Variants in RGS5 observed in about 807,000 individuals in gnomAD.
The protein encoded by RGS5 is regulator of G protein signaling 5, also known as regulator of G-protein signalling 5.
In RGS5, 20 loss-of-function variants were observed where a neutral mutation model predicts 18.9. The ratio of observed to expected loss-of-function variants is 1.06; its 90% CI spans 0.74 to 1.54. RGS5 has a LOEUF of 1.54. Among genes scored for constraint, RGS5 ranks in the 40% most tolerant of loss-of-function variants. The pLI, the probability that RGS5 is intolerant of heterozygous loss-of-function variation, is 0.00. For synonymous variants in RGS5, 57 were observed against 76.2 expected, an observed-to-expected ratio of 0.75 and a Z score of 1.31; for missense variants, 201 against 211.8, an observed-to-expected ratio of 0.95 and a Z score of 0.32.
chr1:163,321,580 A>G (rs1479393427), intron 1 of RGS5: 1 of 152,164 alleles, frequency 6.6e-6, no homozygotes, highest in Non-Finnish European at 1.5e-5. Context: ...CACATAATCA[A>G]TGTTCAACAA....
intron 2 of RGS5, among the ~76,000 whole-genome samples, chr1:163,166,507 G>C (rs1260891786): frequency 6.6e-6 from 1 of 152,166 alleles, no homozygotes; most frequent in South Asian, 2.1e-4. Flanking sequence ...AGCTTATGCA[G>C]AACACAGTAT....
chr1:163,234,382 A>G (rs1331993954), intron 2 of RGS5, among the ~76,000 whole-genome samples: 1 of 152,106 alleles, frequency 6.6e-6, no homozygotes. Context: ...AATATTTTCC[A>G]TTTTATATAT....
At chr1:163,186,886 T>C (rs1023528539) in intron 1 of RGS5, among the ~76,000 whole-genome samples, 3 of 152,204 alleles carry the variant, frequency 2.0e-5, no homozygotes, top group African/African-American at 7.2e-5. Flanking sequence ...ACCCCGTATG[T>C]GGAGCAGAAT....
chr1:163,183,956 C>G (rs552445571), intron 1 of RGS5, among the ~76,000 whole-genome samples: 153 of 152,274 alleles, frequency 1.0e-3, no homozygotes, highest in African/African-American at 3.6e-3. Context: ...GAGGTACATG[C>G]AAATCACATT....
At chr1:163,315,112 CA>C (rs144992878) in intron 1 of RGS5, among the ~76,000 whole-genome samples, 14,711 of 152,078 alleles carry the variant, frequency 0.097, 981 homozygotes, top group South Asian at 0.2. Flanking sequence ...ATCATGTAAC[CA>C]AAAAGGACCT....
intron 2 of RGS5, among the ~76,000 whole-genome samples, chr1:163,280,421 T>C (rs1246697847): frequency 6.6e-6 from 1 of 152,058 alleles, no homozygotes; most frequent in Non-Finnish European, 1.5e-5. Context: ...TATAATCATC[T>C]CAATAGATAT....
chr1:163,151,673 G>A (rs1657378952), intron 4 of RGS5, among the ~76,000 whole-genome samples: 1 of 152,192 alleles, frequency 6.6e-6, no homozygotes, highest in South Asian at 2.1e-4. Context: ...GCCACCCTGT[G>A]AAGAGGTGCC....
At chr1:163,156,230 C>G (rs747470908) in intron 3 of RGS5, among the ~76,000 whole-genome samples, 67 of 152,270 alleles carry the variant, frequency 4.4e-4, no homozygotes, top group Non-Finnish European at 8.2e-4. Context: ...ACTGTTGCAT[C>G]ATCTGTTCAA....
At chr1:163,237,231 T>A (rs1647650131) in intron 2 of RGS5, 1 of 153,204 alleles carries the variant, frequency 6.5e-6, no homozygotes, top group Non-Finnish European at 1.5e-5. Flanking sequence ...GACCCATGTA[T>A]CCTGGGCACA....
chr1:163,215,683 T>A (rs1022161088), intron 1 of RGS5, among the ~76,000 whole-genome samples: 1 of 152,184 alleles, frequency 6.6e-6, no homozygotes, highest in Non-Finnish European at 1.5e-5. Context: ...ATTAATCTTA[T>A]AAATAAATTG....
intron 1 of RGS5, among the ~76,000 whole-genome samples, chr1:163,184,400 CAA>C (rs34214775): frequency 0.12 from 12,235 of 104,906 alleles, 611 homozygotes; most frequent in Middle Eastern, 0.23. Flanking sequence ...CCCATCCCTC[CAA>C]AAAAAAAAAA....
intron 3 of RGS5, among the ~76,000 whole-genome samples, chr1:163,159,909 A>C (rs538766540): frequency 6.6e-6 from 1 of 152,314 alleles, no homozygotes; most frequent in Non-Finnish European, 1.5e-5. Flanking sequence ...ACACACATAC[A>C]TACATGAACA....
chr1:163,265,892 C>A (rs1425908889), intron 2 of RGS5, among the ~76,000 whole-genome samples: 1 of 152,158 alleles, frequency 6.6e-6, no homozygotes, highest in Non-Finnish European at 1.5e-5. Context: ...GGTTCTCCAT[C>A]CCTGGCACTC....
At chr1:163,249,320 A>G (rs1648036202) in intron 2 of RGS5, among the ~76,000 whole-genome samples, 2 of 152,356 alleles carry the variant, frequency 1.3e-5, no homozygotes, top group South Asian at 2.1e-4. Context: ...CACCTGCACT[A>G]TACCAATAGT....
chr1:163,279,744 A>T (rs964805835), intron 2 of RGS5, among the ~76,000 whole-genome samples: 3 of 152,114 alleles, frequency 2.0e-5, no homozygotes, highest in African/African-American at 7.2e-5. Flanking sequence ...TTTTGATAAG[A>T]TAAAGAAAAT....
intron 1 of RGS5, among the ~76,000 whole-genome samples, chr1:163,170,154 A>C (rs868265887): frequency 6.6e-6 from 1 of 152,198 alleles, no homozygotes; most frequent in South Asian, 2.1e-4. Context: ...ACCCTTTCCC[A>C]GTCACCTTAG....
intron 1 of RGS5, among the ~76,000 whole-genome samples, chr1:163,209,335 T>C (rs1405140784): frequency 6.6e-6 from 1 of 152,194 alleles, no homozygotes; most frequent in East Asian, 1.9e-4. Context: ...AGATTGGTAG[T>C]GTTTAATGTC....
chr1:163,194,764 A>G (rs951750463), intron 1 of RGS5, among the ~76,000 whole-genome samples: 3 of 152,186 alleles, frequency 2.0e-5, no homozygotes. Context: ...AAACAATCCA[A>G]TTGAGAAAAG....
chr1:163,318,316 G>A (rs1650081584), intron 1 of RGS5, among the ~76,000 whole-genome samples: 2 of 152,060 alleles, frequency 1.3e-5, no homozygotes, highest in African/African-American at 2.4e-5. Flanking sequence ...TGACTGCAGA[G>A]GAAGATTAGA....
Sources: gnomAD v4.1 joint callset for allele counts (sites outside exome capture counted in the v4.1 genomes callset) on GRCh38, gnomAD v4.1.1 for gene constraint, MANE v1.5 for transcripts, NCBI Gene and HGNC (gene_info 2026-07-23, HGNC 2026-07-21) for gene names.